Variants in CNTNAP2 observed in about 807,000 individuals in gnomAD.
The protein encoded by CNTNAP2 is contactin associated protein 2, also known as contactin-associated protein-like 2.
CNTNAP2 carries 98 observed loss-of-function variants against 155.2 expected under a neutral mutation model. The observed-to-expected ratio is 0.63, with a 90% CI of 0.54 to 0.75. The LOEUF (loss-of-function observed/expected upper bound fraction) is 0.75. Ranked by LOEUF, CNTNAP2 falls within the 30% of genes least tolerant of loss-of-function variation. The pLI, the probability that CNTNAP2 is intolerant of heterozygous loss-of-function variation, is 0.00. For synonymous variants in CNTNAP2, 651 were observed against 631.2 expected, an observed-to-expected ratio of 1.03 and a Z score of -0.47; for missense variants, 1,727 against 1,688.1, an observed-to-expected ratio of 1.02 and a Z score of -0.40.
intron 1 of CNTNAP2, among the ~76,000 whole-genome samples, chr7:146,410,993 T>C (rs1795857114): frequency 6.6e-6 from 1 of 152,178 alleles, no homozygotes. Context: ...TACCAAATTC[T>C]CTTTCTCCAT....
At chr7:147,779,581 C>G (rs1473158310) in intron 13 of CNTNAP2, among the ~76,000 whole-genome samples, 1 of 151,896 alleles carries the variant, frequency 6.6e-6, no homozygotes, top group East Asian at 1.9e-4. Flanking sequence ...TTAGCAATCC[C>G]GAAGTGCAGG....
At chr7:146,935,613 C>T (rs1232127509) in intron 3 of CNTNAP2, among the ~76,000 whole-genome samples, 2 of 152,146 alleles carry the variant, frequency 1.3e-5, no homozygotes, top group Non-Finnish European at 2.9e-5. Flanking sequence ...GCAAACTCTA[C>T]TTTAAAGGCT....
intron 1 of CNTNAP2, among the ~76,000 whole-genome samples, chr7:146,382,207 A>G (rs1043282881): frequency 1.3e-5 from 2 of 152,220 alleles, no homozygotes; most frequent in African/African-American, 4.8e-5. Context: ...CAATGGGGGA[A>G]CAAGTAGATG....
chr7:146,964,893 T>TGGCCAGATTTGGTCTGGG (rs11271441), intron 3 of CNTNAP2, among the ~76,000 whole-genome samples: 49,210 of 151,856 alleles, frequency 0.32, 8,892 homozygotes, highest in Middle Eastern at 0.41. Flanking sequence ...AACAGGTGAC[T>TGGCCAGATTTGGTCTGGG]GGCCAGAGTT....
At chr7:146,854,820 G>A (rs1794946517) in intron 3 of CNTNAP2, among the ~76,000 whole-genome samples, 1 of 152,156 alleles carries the variant, frequency 6.6e-6, no homozygotes. Context: ...GGAATGACAG[G>A]TAAACCAAGC....
intron 3 of CNTNAP2, among the ~76,000 whole-genome samples, chr7:147,040,568 C>T (rs982439223): frequency 1.4e-5 from 2 of 143,374 alleles, no homozygotes; most frequent in East Asian, 2.2e-4. Flanking sequence ...TCAAGTGATT[C>T]TCCTGCCTCA....
intron 1 of CNTNAP2, among the ~76,000 whole-genome samples, chr7:146,406,069 C>T (rs1795787687): frequency 6.6e-6 from 1 of 152,130 alleles, no homozygotes. Context: ...AGAATGACAG[C>T]ACTAATTGTC....
At chr7:147,826,037 AC>A (rs1296422854) in intron 13 of CNTNAP2, among the ~76,000 whole-genome samples, 1 of 152,218 alleles carries the variant, frequency 6.6e-6, no homozygotes, top group African/African-American at 2.4e-5. Context: ...GTAGTAATTT[AC>A]ATCAGGCTAA....
chr7:146,876,314 TC>T (rs112819158), intron 3 of CNTNAP2, among the ~76,000 whole-genome samples: 11 of 152,236 alleles, frequency 7.2e-5, no homozygotes, highest in African/African-American at 2.4e-4. Context: ...CAGGGCATGT[TC>T]TTTTTCCTTC....
intron 10 of CNTNAP2, among the ~76,000 whole-genome samples, chr7:147,434,510 A>C (rs571585442): frequency 1.3e-5 from 2 of 152,358 alleles, no homozygotes; most frequent in East Asian, 3.9e-4. Context: ...TTCCGAAGGA[A>C]AAAGAAATCA....
intron 1 of CNTNAP2, among the ~76,000 whole-genome samples, chr7:146,207,412 C>T (rs148854092): frequency 1.3e-5 from 2 of 152,024 alleles, no homozygotes; most frequent in East Asian, 3.9e-4. Flanking sequence ...TTAAAATAAG[C>T]ATCATACAAA....
chr7:146,564,797 T>A (rs1471872398), intron 1 of CNTNAP2, among the ~76,000 whole-genome samples: 2 of 151,836 alleles, frequency 1.3e-5, no homozygotes, highest in Non-Finnish European at 2.9e-5. Context: ...TTTCTAACTT[T>A]ATTCAGTTTA....
At chr7:148,194,696 G>A in intron 18 of CNTNAP2, among the ~76,000 whole-genome samples, 1 of 152,138 alleles carries the variant, frequency 6.6e-6, no homozygotes, top group East Asian at 1.9e-4. Context: ...CCTAAGAACT[G>A]AAGGAAGTGG....
chr7:146,947,257 T>C (rs145691090), intron 3 of CNTNAP2, among the ~76,000 whole-genome samples: 1 of 151,664 alleles, frequency 6.6e-6, no homozygotes, highest in African/African-American at 2.4e-5. Flanking sequence ...GGTGTACATT[T>C]TGAGTTGTCA....
intron 18 of CNTNAP2, among the ~76,000 whole-genome samples, chr7:148,197,514 CT>C (rs1361076954): frequency 6.6e-6 from 1 of 152,128 alleles, no homozygotes; most frequent in African/African-American, 2.4e-5. Context: ...TTTACCCGTT[CT>C]TTTTAACATT....
intron 13 of CNTNAP2, among the ~76,000 whole-genome samples, chr7:147,728,875 C>G (rs551511486): frequency 1.5e-4 from 23 of 151,438 alleles, no homozygotes; most frequent in African/African-American, 5.6e-4. Context: ...GTTTTTATAC[C>G]AAGTGTTCAT....
At chr7:146,291,924 A>G (rs1800435370) in intron 1 of CNTNAP2, among the ~76,000 whole-genome samples, 1 of 152,196 alleles carries the variant, frequency 6.6e-6, no homozygotes, top group South Asian at 2.1e-4. Context: ...AAAGGAAACA[A>G]TGGAATGAAG....
intron 3 of CNTNAP2, among the ~76,000 whole-genome samples, chr7:147,021,869 T>C (rs918249706): frequency 4.8e-5 from 7 of 147,140 alleles, no homozygotes; most frequent in Admixed American, 6.8e-5. Context: ...TTTTGACCCA[T>C]AGAGGGTTAA....
chr7:146,784,981 T>C (rs868566182), intron 2 of CNTNAP2, among the ~76,000 whole-genome samples: 6,379 of 152,010 alleles, frequency 0.042, 461 homozygotes, highest in African/African-American at 0.14. Context: ...TGCTTTTTTT[T>C]TTTTTTTCTT....
Sources: gnomAD v4.1 joint callset for allele counts (sites outside exome capture counted in the v4.1 genomes callset) on GRCh38, gnomAD v4.1.1 for gene constraint, MANE v1.5 for transcripts, NCBI Gene and HGNC (gene_info 2026-07-23, HGNC 2026-07-21) for gene names.